The following VPS13D variants were observed in gnomAD, a reference collection of about 807,000 sequenced individuals.
VPS13D encodes intermembrane lipid transfer protein VPS13D.
In VPS13D, 187 loss-of-function variants were observed where a neutral mutation model predicts 461.9. The ratio of observed to expected loss-of-function variants is 0.40; its 90% confidence interval spans 0.36 to 0.46. The LOEUF is 0.46. Ranked by LOEUF, VPS13D falls within the 20% of genes least tolerant of loss-of-function variation. VPS13D has a pLI of 0.60. For missense variants in VPS13D, 4,711 were observed against 5,364.9 expected (o/e 0.88, Z 3.81); for synonymous variants, 1,951 against 1,986.3 (o/e 0.98, Z 0.47).
At chr1:12,460,482 C>T (rs1645394996) in intron 67 of VPS13D, 86 bp downstream of exon 67, 2 of 1,240,564 alleles carry the variant, frequency 1.6e-6, no homozygotes, top group Admixed American at 3.5e-5. Context: ...TTTAATTGTG[C>T]ACTTTCTTAG....
chr1:12,484,639 C>G (rs1645772250), intron 67 of VPS13D, among the ~76,000 whole-genome samples: 1 of 152,198 alleles, frequency 6.6e-6, no homozygotes, highest in South Asian at 2.1e-4. Flanking sequence ...AGTACACATT[C>G]AGCACTCAGT....
At position 12,506,982 on chromosome 1, in the gene VPS13D, C is replaced by T. The variant is rs773295282; in HGVS notation, c.12924C>T (p.Tyr4308=). 2 of 1,614,274 alleles carry T rather than the reference C, an allele frequency of 1.2e-6. No homozygotes were observed. Among genetic ancestry groups the T allele is most frequent in the Non-Finnish European group, 1.7e-6 (2 of 1,180,054 alleles). The change falls in exon 69 of 70, where the codon TAC becomes TAT. Residue 4308 remains tyrosine (Y), a synonymous_variant. Transcript: ENST00000620676. ...TAGAAGTCAAATACGATGACCTCTA[C>T]CACTGCCTTGTCTCCAAAGACCATG... is the stretch of plus-strand genomic sequence containing the variant. ...IFLEVKYDDL[Y]HCLVSKDHGK...
chr1:12,309,156 G>GA (rs372999155), intron 27 of VPS13D, among the ~76,000 whole-genome samples: 24 of 151,836 alleles, frequency 1.6e-4, no homozygotes, highest in African/African-American at 5.1e-4. Flanking sequence ...TTTGTTGAGG[G>GA]ATACAGGTAG....
At chr1:12,438,346 A>G (rs1016562607) in intron 65 of VPS13D, among the ~76,000 whole-genome samples, 31 of 152,276 alleles carry the variant, frequency 2.0e-4, no homozygotes, top group African/African-American at 7.5e-4. Flanking sequence ...CCATCTAGGA[A>G]GCAGGCCCTC....
chr1:12,268,764 C>T lies in VPS13D; in HGVS notation c.1860C>T (p.Ser620=). ...EMLYERNPAH[S]HFERRLNVST... ...TGTATGAGAGAAATCCGGCGCACAG[C>T]CACTTTGAGAGGCGGCTCAATGTCA... The change falls in exon 16 of 70, where the codon AGC becomes AGT. Residue 620 remains serine, a synonymous_variant. Transcript: ENST00000620676. 1 of 1,614,096 alleles carries T rather than the reference C, an allele frequency of 6.2e-7. No individual in the cohort carries two copies. The highest frequency in any genetic ancestry group is 8.5e-7 in the Non-Finnish European group (1 of 1,179,998).
intron 52 of VPS13D, among the ~76,000 whole-genome samples, chr1:12,365,999 G>T (rs1644029747): frequency 6.6e-6 from 1 of 151,776 alleles, no homozygotes; most frequent in African/African-American, 2.4e-5. Context: ...GAACACCTAG[G>T]CTCAAGTGAC....
chr1:12,335,582 C>A, intron 38 of VPS13D, 123 bp from the exon 39 acceptor site: 2 of 1,278,270 alleles, frequency 1.6e-6, no homozygotes, highest in Non-Finnish European at 1.1e-6. Context: ...TTCTCGGAAT[C>A]TAGCACAGGC....
At chr1:12,488,765 T>C (rs1645838021) in intron 67 of VPS13D, among the ~76,000 whole-genome samples, 1 of 149,866 alleles carries the variant, frequency 6.7e-6, no homozygotes, top group Non-Finnish European at 1.5e-5. Flanking sequence ...AGCCACAAAA[T>C]AAAGCTTACC....
intron 52 of VPS13D, among the ~76,000 whole-genome samples, chr1:12,367,903 G>A (rs1315773118): frequency 1.3e-5 from 2 of 151,918 alleles, no homozygotes; most frequent in African/African-American, 2.4e-5. Flanking sequence ...CACCACACCC[G>A]GCTGCAATGC....
At chr1:12,313,299 C>CTTTTTT (rs765170972) in intron 29 of VPS13D, among the ~76,000 whole-genome samples, 1 of 117,604 alleles carries the variant, frequency 8.5e-6, no homozygotes, top group Non-Finnish European at 1.8e-5. Context: ...TTATTCTTTC[C>CTTTTTT]TTTTTTTTTT....
At chr1:12,272,851 A>T in intron 17 of VPS13D, 152 bp from the exon 18 acceptor site, 1 of 1,061,536 alleles carries the variant, frequency 9.4e-7, no homozygotes, top group Admixed American at 3.0e-5. Flanking sequence ...TCAAGCATTT[A>T]CATCTACTTT....
chr1:12,338,367 CA>C lies in VPS13D; in HGVS notation c.8626+64del. ...CTGTTTTAAGAACTTCCTTGTACAT[CA>C]ATTTTTTTTTTAATGAGTGGGAGTT... On this transcript the variant is annotated intron_variant, in intron 40 of 69. Coordinates refer to ENST00000620676, the MANE Select transcript of VPS13D (RefSeq NM_015378.4). The C allele has an allele frequency of 4.0e-6, 6 of 1,511,904 alleles. No individual in the cohort carries two copies. The South Asian group carries it at 4.6e-5, about 11-fold the overall frequency. 93.7% of individuals were successfully genotyped at this position (1,511,904 alleles called of 1,614,324 possible). A position where few individuals can be genotyped will look rare whatever the true frequency, so the allele number is the denominator to read the frequency against.
rs1190700909 is a variant in VPS13D at position 12,353,964 on chromosome 1, A to G, written c.9432-10A>G. On this transcript the variant is annotated splice_polypyrimidine_tract_variant and intron_variant, in intron 46 of 69. Coordinates refer to ENST00000620676, the MANE Select transcript of VPS13D (RefSeq NM_015378.4). The stretch of plus-strand genomic sequence containing the variant: ...AGTCTGATGATTTTTACACCATTTT[A>G]TCTTCATAGGTTTTGTGTGGCTATA... The G allele has an allele frequency of 5.6e-6, 9 of 1,610,510 alleles. No individual in the cohort carries two copies. The highest frequency in any genetic ancestry group is 1.7e-5 in the Admixed American group (1 of 59,726).
At chr1:12,232,420 G>A in intron 1 of VPS13D, among the ~76,000 whole-genome samples, 1 of 152,144 alleles carries the variant, frequency 6.6e-6, no homozygotes, top group East Asian at 1.9e-4. Context: ...CAGCGTGCTT[G>A]GAGAGGATCC....
intron 35 of VPS13D, among the ~76,000 whole-genome samples, chr1:12,327,378 A>G (rs558272186): frequency 1.4e-4 from 21 of 152,290 alleles, no homozygotes; most frequent in Non-Finnish European, 2.5e-4. Flanking sequence ...TTTGGGCCAG[A>G]TCGTGAAAGG....
intron 22 of VPS13D, among the ~76,000 whole-genome samples, 153 bp from the exon 23 acceptor site, chr1:12,290,845 T>G (rs1569821782): frequency 2.6e-5 from 4 of 152,338 alleles, no homozygotes; most frequent in South Asian, 2.1e-4. Flanking sequence ...AAATATTTTT[T>G]GGGGTATATT....
At chr1:12,308,894 C>G (rs1461639302) in intron 27 of VPS13D, among the ~76,000 whole-genome samples, 1 of 152,200 alleles carries the variant, frequency 6.6e-6, no homozygotes, top group Non-Finnish European at 1.5e-5. Context: ...TTCTGCCTGC[C>G]TCAGCCTCCC....
chr1:12,504,452 C>A (rs1313906475), intron 68 of VPS13D, among the ~76,000 whole-genome samples: 2 of 152,228 alleles, frequency 1.3e-5, no homozygotes, highest in African/African-American at 4.8e-5. Flanking sequence ...CCTGGACTTA[C>A]AGGACAGAGA....
chr1:12,276,138 G>A lies in VPS13D; in HGVS notation c.2550G>A (p.Glu850=). ...DIDVGPTHVV[E]KFNVHLQLER... ...ACGTGGGACCAACACATGTGGTAGA[G>A]AAGTTCAACGTTCACCTACAGTTAG... Residue 850 remains glutamate (E), a synonymous_variant, in exon 19 of 70, where the codon GAG becomes GAA. Transcript: ENST00000620676. This position sits in a 1 kb window ranked among gnomAD's most constrained non-coding sequence, Gnocchi z 4.5. 6.2e-7 allele frequency: 1 copy of A among 1,614,170 alleles called. No homozygotes were observed. Among genetic ancestry groups the A allele is most frequent in the African/African-American group, 1.3e-5 (1 of 75,052 alleles).
Sources: gnomAD v4.1 joint callset for allele counts (sites outside exome capture counted in the v4.1 genomes callset) on GRCh38, gnomAD v4.1.1 for gene constraint, Gnocchi (gnomAD v3.1) non-coding constraint, MANE v1.5 for transcripts, NCBI Gene and HGNC (gene_info 2026-07-23, HGNC 2026-07-21) for gene names.